The following UBE2U variants were observed in gnomAD, a reference collection of about 807,000 sequenced individuals.
The protein encoded by UBE2U is ubiquitin conjugating enzyme E2 U.
A neutral mutation model predicts 41.2 loss-of-function variants in UBE2U; 39 were observed. That is an observed-to-expected ratio of 0.95 (90% CI 0.73 to 1.24). The LOEUF (loss-of-function observed/expected upper bound fraction) is 1.24, where lower values mean the gene tolerates loss of function less well. Ranked by LOEUF, UBE2U falls within the 50% of genes most tolerant of loss-of-function variation. UBE2U has a pLI of 0.00. For synonymous variants in UBE2U, 107 were observed against 117.8 expected (o/e 0.91, Z 0.60); for missense variants, 336 against 363.1 (o/e 0.93, Z 0.61).
At chr1:64,207,942 T>C (rs1651404855) in intron 3 of UBE2U, among the ~76,000 whole-genome samples, 1 of 152,068 alleles carries the variant, frequency 6.6e-6, no homozygotes, top group Non-Finnish European at 1.5e-5. Context: ...AGAACACTTG[T>C]CAATCAATAT....
chr1:64,214,436 CTG>C (rs1569970519), intron 4 of UBE2U, among the ~76,000 whole-genome samples: 1 of 152,270 alleles, frequency 6.6e-6, no homozygotes, highest in East Asian at 1.9e-4. Context: ...AATTATCACA[CTG>C]TTATTCAAGG....
intron 8 of UBE2U, among the ~76,000 whole-genome samples, chr1:64,259,031 G>GTA (rs1410293222): frequency 1.4e-5 from 2 of 148,018 alleles, no homozygotes; most frequent in East Asian, 4.0e-4. Flanking sequence ...GCGTGAGATG[G>GTA]TATCTCATTG....
chr1:64,209,093 T>C (rs2100253936), intron 3 of UBE2U, among the ~76,000 whole-genome samples: 1 of 152,326 alleles, frequency 6.6e-6, no homozygotes, highest in South Asian at 2.1e-4. Flanking sequence ...TATGTTTTTT[T>C]CCCAAGTACA....
chr1:64,216,099 G>A (rs944582270), intron 5 of UBE2U, among the ~76,000 whole-genome samples: 31 of 152,150 alleles, frequency 2.0e-4, no homozygotes, highest in African/African-American at 7.5e-4. Flanking sequence ...AGCTAGGTCT[G>A]TATAATTGTG....
chr1:64,214,602 A>G (rs1651865454), intron 4 of UBE2U, among the ~76,000 whole-genome samples: 2 of 152,114 alleles, frequency 1.3e-5, no homozygotes, highest in African/African-American at 4.8e-5. Context: ...TTGCTTTTTG[A>G]TCTATCACAG....
At chr1:64,207,835 G>A (rs11584041) in intron 3 of UBE2U, among the ~76,000 whole-genome samples, 25,542 of 152,020 alleles carry the variant, frequency 0.17, 2,757 homozygotes, top group Non-Finnish European at 0.24. Flanking sequence ...ACTTCTCTAC[G>A]GCCCAGGACA....
intron 7 of UBE2U, among the ~76,000 whole-genome samples, chr1:64,239,086 GGAAGAGGAAGAAGAAGAAGAAGAA>G (rs1644735527): frequency 4.5e-5 from 2 of 44,142 alleles, no homozygotes; most frequent in Non-Finnish European, 9.0e-5. Flanking sequence ...AAGAGGAAGA[GGAAGAGGAAGAAGAAGAAGAAGAA>G]GAAGAAGAAG....
At chr1:64,206,630 A>G (rs1222026626) in intron 2 of UBE2U, 134 bp from the exon 3 acceptor site, 6 of 592,204 alleles carry the variant, frequency 1.0e-5, no homozygotes, top group Non-Finnish European at 1.5e-5. Context: ...GAGTCGGTGC[A>G]CTCTATGAAT....
In UBE2U at chr1:64,242,065, A is replaced by T. The variant is rs555729139; in HGVS notation, c.677+332A>T. ...GTGACTTAGAAATAGCTTTTTTTTT[A>T]AAAAAAAGAAAAGCAAAAAACTATA... On this transcript the variant is annotated intron_variant, in intron 8 of 9. Coordinates refer to ENST00000371077, the MANE Select transcript of UBE2U (RefSeq NM_001366232.2). 2.2e-4 allele frequency among the ~76,000 whole-genome samples: 33 copies of T among 151,386 alleles called. No individual in the cohort carries two copies. The East Asian group carries it at 3.5e-3, about 16-fold the overall frequency.
At chr1:64,233,439 G>A (rs1480493427) in intron 7 of UBE2U, among the ~76,000 whole-genome samples, 5 of 152,188 alleles carry the variant, frequency 3.3e-5, no homozygotes, top group South Asian at 2.1e-4. Context: ...GCCCTGGACT[G>A]AAGTCTGATT....
At chr1:64,219,866 G>T (rs560000718) in intron 5 of UBE2U, among the ~76,000 whole-genome samples, 2 of 152,250 alleles carry the variant, frequency 1.3e-5, no homozygotes, top group Admixed American at 1.3e-4. Flanking sequence ...CCAAAGTGCT[G>T]GGATTACAGG....
intron 7 of UBE2U, among the ~76,000 whole-genome samples, chr1:64,241,117 A>G (rs1446999943): frequency 9.9e-5 from 15 of 152,204 alleles, no homozygotes; most frequent in Admixed American, 9.8e-4. Context: ...TGGATTGGTT[A>G]ACATAAGGCA....
In UBE2U at chr1:64,232,665, C is replaced by T. The variant is rs765149174; in HGVS notation, c.595+16C>T. The T allele has an allele frequency of 1.2e-5, 19 of 1,588,074 alleles. No individual in the cohort carries two copies. The South Asian group carries it at 1.7e-4, about 14-fold the overall frequency. On this transcript the variant is annotated intron_variant, in intron 7 of 9. Transcript: ENST00000371077. ...AGAACTCCATGTAAGGTGAACTATC[C>T]TTATCCTATGTCCTTTTGGTATATG...
At chr1:64,229,647 C>T (rs1653145241) in intron 6 of UBE2U, among the ~76,000 whole-genome samples, 1 of 152,162 alleles carries the variant, frequency 6.6e-6, no homozygotes, top group Admixed American at 6.5e-5. Context: ...AAGGTTCCAA[C>T]CAGAGATATT....
intron 7 of UBE2U, among the ~76,000 whole-genome samples, chr1:64,233,826 C>T (rs1033169692): frequency 6.6e-6 from 1 of 152,194 alleles, no homozygotes; most frequent in Non-Finnish European, 1.5e-5. Flanking sequence ...TTTGCTTCAG[C>T]CATCCTTCTA....
intron 4 of UBE2U, among the ~76,000 whole-genome samples, chr1:64,212,386 T>G (rs982467964): frequency 6.6e-6 from 1 of 152,232 alleles, no homozygotes; most frequent in Non-Finnish European, 1.5e-5. Flanking sequence ...TGTGGGGCTC[T>G]GAGTTAGCTT....
chr1:64,239,127 A>AAGGAGAAGGAGAAGGAGAAGGAGAAGG (rs1557730225), intron 7 of UBE2U, among the ~76,000 whole-genome samples: 34 of 21,986 alleles, frequency 1.5e-3, no homozygotes, highest in African/African-American at 7.4e-3. Context: ...GAAGAAGAAG[A>AAGGAGAAGGAGAAGGAGAAGGAGAAGG]AGAAGAAGAA....
intron 8 of UBE2U, among the ~76,000 whole-genome samples, chr1:64,258,075 A>T (rs138740422): frequency 5.4e-4 from 82 of 152,294 alleles, no homozygotes; most frequent in African/African-American, 1.9e-3. Context: ...TGTTCTCACT[A>T]CTTTCACACA....
At chr1:64,209,243 A>G (rs1651511134) in intron 3 of UBE2U, among the ~76,000 whole-genome samples, 1 of 152,144 alleles carries the variant, frequency 6.6e-6, no homozygotes, top group Non-Finnish European at 1.5e-5. Context: ...CCTAGTCCTC[A>G]TCCCTCCCAC....
Sources: gnomAD v4.1 joint callset for allele counts (sites outside exome capture counted in the v4.1 genomes callset) on GRCh38, gnomAD v4.1.1 for gene constraint, MANE v1.5 for transcripts, NCBI Gene and HGNC (gene_info 2026-07-23, HGNC 2026-07-21) for gene names.